The following HIGD1C variants were observed in gnomAD, a reference collection of about 807,000 sequenced individuals.
HIGD1C encodes the protein HIG1 domain family member 1C.
HIGD1C carries 11 observed loss-of-function variants against 13.1 expected under a neutral mutation model. The observed-to-expected ratio is 0.84, with a 90% CI of 0.53 to 1.39. HIGD1C has a LOEUF of 1.39. Ranked by LOEUF, HIGD1C falls within the 40% of genes most tolerant of loss-of-function variation. The probability of loss-of-function intolerance (pLI) is 0.00; values close to 1 mark genes in which losing one functional copy is unlikely to be tolerated. For missense variants in HIGD1C, 110 were observed against 112.0 expected (o/e 0.98, Z 0.08); for synonymous variants, 36 against 37.7 (o/e 0.95, Z 0.17).
the HIGD1C span, among the ~76,000 whole-genome samples, chr12:50,939,184 G>A: frequency 6.6e-6 from 1 of 152,092 alleles, no homozygotes; most frequent in Non-Finnish European, 1.5e-5. Flanking sequence ...GTCTTGCTCT[G>A]TCACCCAGGG....
At chr12:50,951,551 G>C (rs1475593990), upstream of HIGD1C, among the ~76,000 whole-genome samples, 2 of 152,124 alleles carry the variant, frequency 1.3e-5, no homozygotes, top group African/African-American at 4.8e-5. Context: ...TCAATCTAGT[G>C]AGAAAACATG....
At chr12:50,964,066 T>C (rs1249776275) in intron 2 of HIGD1C, among the ~76,000 whole-genome samples, 2 of 152,222 alleles carry the variant, frequency 1.3e-5, no homozygotes, top group Non-Finnish European at 1.5e-5. Context: ...TGATATCCTA[T>C]GACTTAAATC....
intron 1 of HIGD1C, among the ~76,000 whole-genome samples, chr12:50,958,672 TGTG>T (rs1261332759): frequency 6.6e-6 from 1 of 151,994 alleles, no homozygotes; most frequent in Non-Finnish European, 1.5e-5. Flanking sequence ...ATCAACATGG[TGTG>T]GTACTGATGG....
At chr12:50,942,869 T>C in the HIGD1C span, among the ~76,000 whole-genome samples, 4 of 147,298 alleles carry the variant, frequency 2.7e-5, no homozygotes, top group Non-Finnish European at 4.5e-5. Context: ...TCTCTTCTCT[T>C]TTTTTTTTTT....
At chr12:50,949,751 C>T (rs1938857127), upstream of HIGD1C, among the ~76,000 whole-genome samples, 1 of 151,968 alleles carries the variant, frequency 6.6e-6, no homozygotes, top group Non-Finnish European at 1.5e-5. Context: ...TCAGGCTGGT[C>T]TCAAACTCCT....
At chr12:50,937,829 G>C in the HIGD1C span, among the ~76,000 whole-genome samples, 1 of 152,164 alleles carries the variant, frequency 6.6e-6, no homozygotes, top group Non-Finnish European at 1.5e-5. Flanking sequence ...TCTGCAGGCA[G>C]GTTGTCTCAT....
chr12:50,945,543 A>G, the HIGD1C span, among the ~76,000 whole-genome samples: 1 of 152,148 alleles, frequency 6.6e-6, no homozygotes, highest in African/African-American at 2.4e-5. Flanking sequence ...GGACCTCTCC[A>G]AGGAGAACTA....
intron 2 of HIGD1C, among the ~76,000 whole-genome samples, chr12:50,964,532 CT>C (rs1160831210): frequency 3.3e-5 from 5 of 152,210 alleles, no homozygotes; most frequent in African/African-American, 1.2e-4. Flanking sequence ...AAGGGATGTC[CT>C]GTGTAATGAA....
chr12:50,949,526 C>CTTTTTTTTTT (rs1044816262), upstream of HIGD1C: 1 of 68,718 alleles, frequency 1.5e-5, no homozygotes, highest in Non-Finnish European at 2.6e-5. Flanking sequence ...TTGAATGCTT[C>CTTTTTTTTTT]TTTTTTTTTT....
intron 1 of HIGD1C, among the ~76,000 whole-genome samples, chr12:50,954,690 C>T (rs919992341): frequency 1.3e-5 from 2 of 151,970 alleles, no homozygotes; most frequent in Non-Finnish European, 2.9e-5. Flanking sequence ...CACACCACTG[C>T]ACTTCAGCCT....
At chr12:50,943,619 A>G in the HIGD1C span, among the ~76,000 whole-genome samples, 35 of 151,712 alleles carry the variant, frequency 2.3e-4, no homozygotes, top group Non-Finnish European at 4.7e-4. Flanking sequence ...CTGAGGCAGG[A>G]GAATGGTGTG....
chr12:50,971,212 C>T (rs1158309263), downstream of HIGD1C, among the ~76,000 whole-genome samples: 1 of 152,052 alleles, frequency 6.6e-6, no homozygotes, highest in African/African-American at 2.4e-5. Flanking sequence ...AAATGTGACA[C>T]CCTATCCATG....
intron 1 of HIGD1C, among the ~76,000 whole-genome samples, chr12:50,957,937 GGTGTGT>G (rs71089717): frequency 0.03 from 4,032 of 132,438 alleles, 102 homozygotes; most frequent in East Asian, 0.092. Context: ...ATGAATTGGA[GGTGTGT>G]GTGTGTGTGT....
upstream of HIGD1C, among the ~76,000 whole-genome samples, chr12:50,949,945 G>A (rs1938860071): frequency 6.6e-6 from 1 of 152,158 alleles, no homozygotes; most frequent in African/African-American, 2.4e-5. Context: ...GTATTGCCAG[G>A]GCAGGTATTT....
chr12:50,932,948 TATTGGTC>T, the HIGD1C span, among the ~76,000 whole-genome samples: 179 of 152,312 alleles, frequency 1.2e-3, no homozygotes, highest in African/African-American at 4.1e-3. Context: ...ACCATCTCAC[TATTGGTC>T]AGTCTAGTGA....
At chr12:50,945,761 C>A in the HIGD1C span, among the ~76,000 whole-genome samples, 1 of 152,138 alleles carries the variant, frequency 6.6e-6, no homozygotes, top group South Asian at 2.1e-4. Context: ...ATAAAAGAGC[C>A]CACATTGCTA....
chr12:50,972,164 G>A (rs916573143), downstream of HIGD1C, among the ~76,000 whole-genome samples: 2 of 152,210 alleles, frequency 1.3e-5, no homozygotes, highest in African/African-American at 4.8e-5. Flanking sequence ...GTTGTGCAAT[G>A]AAAAGTATTT....
upstream of HIGD1C, among the ~76,000 whole-genome samples, chr12:50,952,772 C>T (rs1156622821): frequency 1.3e-5 from 2 of 152,212 alleles, no homozygotes; most frequent in Non-Finnish European, 2.9e-5. Context: ...AGGGAGCGCA[C>T]CTCCTCTGGC....
upstream of HIGD1C, among the ~76,000 whole-genome samples, chr12:50,952,517 G>A (rs551743384): frequency 5.0e-4 from 76 of 152,288 alleles, no homozygotes; most frequent in African/African-American, 1.8e-3. Flanking sequence ...AGGCTACAAG[G>A]TCAGAACAGA....
Sources: allele counts gnomAD v4.1 joint callset (sites outside exome capture counted in the v4.1 genomes callset), GRCh38; gene constraint gnomAD v4.1.1; transcripts MANE v1.5; gene names NCBI Gene and HGNC (gene_info 2026-07-23, HGNC 2026-07-21).